DLG2: variants seen among roughly 807,000 people sequenced by gnomAD.
DLG2 encodes discs large MAGUK scaffold protein 2.
Under a neutral mutation model 132.5 loss-of-function variants are expected in DLG2, and 45 were observed. The ratio of observed to expected loss-of-function variants is 0.34; its 90% CI spans 0.27 to 0.44. The LOEUF (loss-of-function observed/expected upper bound fraction) is 0.44. DLG2 is among the 20% of genes least tolerant of loss of function. DLG2 has a pLI of 1.00. For synonymous variants in DLG2, 424 were observed against 419.6 expected (o/e 1.01, Z -0.13); for missense variants, 1,045 against 1,196.9 (o/e 0.87, Z 1.87).
chr11:83,853,783 T>TA (rs1022163787), intron 16 of DLG2, among the ~76,000 whole-genome samples: 3 of 151,876 alleles, frequency 2.0e-5, no homozygotes, highest in East Asian at 1.9e-4. Context: ...TGCCTAATGG[T>TA]AAAAAAAACT....
intron 21 of DLG2, among the ~76,000 whole-genome samples, chr11:83,497,656 C>T (rs1055441537): frequency 6.6e-6 from 1 of 152,028 alleles, no homozygotes; most frequent in Admixed American, 6.6e-5. Context: ...AATTCTTATG[C>T]TCAATGATCT....
chr11:84,532,942 A>C (rs1364848106), intron 7 of DLG2, among the ~76,000 whole-genome samples: 1 of 152,208 alleles, frequency 6.6e-6, no homozygotes, highest in African/African-American at 2.4e-5. Flanking sequence ...CAATTGTTAG[A>C]AAATATTAAA....
At chr11:85,254,069 T>C (rs971686958) in intron 4 of DLG2, among the ~76,000 whole-genome samples, 76 of 152,320 alleles carry the variant, frequency 5.0e-4, no homozygotes, top group African/African-American at 1.7e-3. Flanking sequence ...AACAGGGATG[T>C]AAATTCTCAC....
chr11:84,278,661 C>T (rs1336578601), intron 7 of DLG2, among the ~76,000 whole-genome samples: 4 of 151,874 alleles, frequency 2.6e-5, no homozygotes, highest in East Asian at 3.8e-4. Context: ...CCTGGGAATA[C>T]GAAATTGGTT....
intron 19 of DLG2, among the ~76,000 whole-genome samples, chr11:83,543,033 A>C (rs2096125803): frequency 6.6e-6 from 1 of 152,156 alleles, no homozygotes; most frequent in Non-Finnish European, 1.5e-5. Context: ...CATCAAAGAA[A>C]TGTCACATCT....
At chr11:85,251,963 T>C (rs1374407902) in intron 4 of DLG2, among the ~76,000 whole-genome samples, 2 of 152,192 alleles carry the variant, frequency 1.3e-5, no homozygotes, top group African/African-American at 4.8e-5. Flanking sequence ...GGATCTGCTA[T>C]AATAGTTATT....
chr11:85,033,911 T>C (rs1007200700), intron 6 of DLG2, among the ~76,000 whole-genome samples: 13 of 152,154 alleles, frequency 8.5e-5, no homozygotes, highest in Admixed American at 2.6e-4. Flanking sequence ...TTAAAAAAAA[T>C]AAAACTTTTT....
At chr11:84,385,218 A>AT (rs1158788277) in intron 7 of DLG2, among the ~76,000 whole-genome samples, 1 of 151,876 alleles carries the variant, frequency 6.6e-6, no homozygotes, top group Non-Finnish European at 1.5e-5. Flanking sequence ...AAGCAGTAAA[A>AT]TTTTTTTAAT....
At chr11:84,169,000 C>T (rs930303522) in intron 8 of DLG2, among the ~76,000 whole-genome samples, 1 of 152,102 alleles carries the variant, frequency 6.6e-6, no homozygotes, top group East Asian at 1.9e-4. Flanking sequence ...ACTCGGTAGG[C>T]AAAAACATGG....
intron 4 of DLG2, among the ~76,000 whole-genome samples, chr11:85,190,885 G>A (rs2080475737): frequency 6.6e-6 from 1 of 152,062 alleles, no homozygotes; most frequent in South Asian, 2.1e-4. Flanking sequence ...TGAAGAAAAG[G>A]GACAATTATA....
At chr11:84,910,657 A>AAT (rs2091967275) in intron 6 of DLG2, among the ~76,000 whole-genome samples, 2 of 152,186 alleles carry the variant, frequency 1.3e-5, no homozygotes, top group Admixed American at 6.5e-5. Flanking sequence ...TCACGCCTAT[A>AAT]ATCCCAGCTG....
intron 5 of DLG2, among the ~76,000 whole-genome samples, chr11:85,122,969 ATTTTTTTT>A (rs1175644391): frequency 6.2e-4 from 54 of 86,830 alleles, no homozygotes; most frequent in African/African-American, 1.9e-3. Context: ...ATATATATAT[ATTTTTTTT>A]TTTTTTTTTT....
chr11:84,626,304 G>A (rs2099622410), intron 6 of DLG2, among the ~76,000 whole-genome samples: 1 of 152,200 alleles, frequency 6.6e-6, no homozygotes. Context: ...AAGGTCCTGA[G>A]CATGATTCCT....
intron 6 of DLG2, among the ~76,000 whole-genome samples, chr11:84,902,821 T>A (rs1184477514): frequency 6.6e-6 from 1 of 152,154 alleles, no homozygotes; most frequent in Non-Finnish European, 1.5e-5. Context: ...AACAACACCA[T>A]AATCTTTTCC....
At position 84,759,813 on chromosome 11, in the gene DLG2, A is replaced by G. The variant is rs2067363789; in HGVS notation, c.358-225082T>C. Among the ~76,000 whole-genome samples the G allele has an allele frequency of 2.0e-5, 3 of 152,304 alleles. 1 individual carries two copies. The South Asian group carries it at 6.2e-4, about 32-fold the overall frequency. On this transcript the variant is annotated intron_variant, in intron 6 of 27. Transcript: ENST00000376104. Reference sequence around the variant, plus strand: ...TTTTTTTTTTCCTTATAAGTTCAGAAAAGACAATAATTATCCCTTGAAAAA... The same window carrying G: ...TTTTTTTTTTCCTTATAAGTTCAGAGAAGACAATAATTATCCCTTGAAAAA...
chr11:84,907,149 A>G (rs2091603946), intron 6 of DLG2, among the ~76,000 whole-genome samples: 1 of 152,204 alleles, frequency 6.6e-6, no homozygotes, highest in South Asian at 2.1e-4. Flanking sequence ...TGGCTTCTTC[A>G]GGCCTACTCA....
At chr11:84,166,270 G>C (rs1469778400) in intron 8 of DLG2, among the ~76,000 whole-genome samples, 1 of 152,166 alleles carries the variant, frequency 6.6e-6, no homozygotes, top group African/African-American at 2.4e-5. Context: ...TTGGGAGGCA[G>C]GAGCAGGCGG....
intron 11 of DLG2, among the ~76,000 whole-genome samples, chr11:84,007,652 G>C (rs1353018759): frequency 6.6e-6 from 1 of 151,608 alleles, no homozygotes; most frequent in Admixed American, 6.6e-5. Context: ...ATTGGAACAA[G>C]TCACTTTTAA....
intron 3 of DLG2, among the ~76,000 whole-genome samples, chr11:85,470,905 G>A (rs1241632572): frequency 6.6e-6 from 1 of 152,206 alleles, no homozygotes; most frequent in Non-Finnish European, 1.5e-5. Context: ...AGGAGGATAA[G>A]ACACAGAGAC....
Sources: allele counts gnomAD v4.1 joint callset (sites outside exome capture counted in the v4.1 genomes callset), GRCh38; gene constraint gnomAD v4.1.1; transcripts MANE v1.5; gene names NCBI Gene and HGNC (gene_info 2026-07-23, HGNC 2026-07-21).